The following SNX8 variants were observed in gnomAD, a reference collection of about 807,000 sequenced individuals.
SNX8 encodes sorting nexin-8.
In SNX8, 25 loss-of-function variants were observed where a neutral mutation model predicts 51.6. The ratio of observed to expected loss-of-function variants is 0.48; its 90% confidence interval spans 0.35 to 0.68. SNX8 has a LOEUF of 0.68. Among genes scored for constraint, SNX8 ranks in the 30% least tolerant of loss-of-function variants. The pLI is 0.00. For synonymous variants in SNX8, 324 were observed against 277.0 expected (o/e 1.17, Z -1.68); for missense variants, 695 against 624.0 (o/e 1.11, Z -1.21).
At chr7:2,335,209 A>G (rs1279171347) in intron 1 of SNX8, among the ~76,000 whole-genome samples, 2 of 57,652 alleles carry the variant, frequency 3.5e-5, no homozygotes, top group African/African-American at 6.2e-5. Context: ...AGAAAAAAGA[A>G]AAAAAAAATA....
intron 1 of SNX8, among the ~76,000 whole-genome samples, chr7:2,283,412 G>A (rs958858937): frequency 6.6e-5 from 10 of 152,222 alleles, no homozygotes; most frequent in Non-Finnish European, 1.3e-4. Flanking sequence ...GGTCCGCGCC[G>A]CCCAGGCACT....
At chr7:2,291,305 A>T (rs1190104040) in intron 1 of SNX8, among the ~76,000 whole-genome samples, 1 of 151,916 alleles carries the variant, frequency 6.6e-6, no homozygotes, top group Non-Finnish European at 1.5e-5. Context: ...TTTAAAAAAA[A>T]AAAGAAACTA....
At chr7:2,342,555 T>G (rs996378365) in intron 1 of SNX8, among the ~76,000 whole-genome samples, 1 of 150,152 alleles carries the variant, frequency 6.7e-6, no homozygotes, top group African/African-American at 2.4e-5. Flanking sequence ...CTTGGGAGCC[T>G]GAAGCAGGAG....
In SNX8 at chr7:2,300,634, T is replaced by C. The variant is rs565350697; in HGVS notation, c.94+13694A>G. Among the ~76,000 whole-genome samples the C allele has an allele frequency of 1.2e-4, 18 of 151,602 alleles. No homozygotes were observed. In the South Asian group the frequency reaches 2.7e-3, roughly 23 times the overall value. On this transcript the variant is annotated intron_variant, in intron 1 of 10. Coordinates refer to ENST00000222990, the MANE Select transcript of SNX8 (RefSeq NM_013321.4). ...TCGCTATGTAATGCCCAGGCTGGTC[T>C]TTTTTTCTTTTTTTTTTAAATTATT...
At chr7:2,346,240 C>T (rs1468397372) in intron 1 of SNX8, among the ~76,000 whole-genome samples, 1 of 70,190 alleles carries the variant, frequency 1.4e-5, no homozygotes, top group Non-Finnish European at 2.8e-5. Context: ...GGACTTGAGC[C>T]CAGAAGTTTG....
At chr7:2,348,513 T>C (rs544873397) in intron 1 of SNX8, among the ~76,000 whole-genome samples, 1 of 151,856 alleles carries the variant, frequency 6.6e-6, no homozygotes, top group East Asian at 2.0e-4. Context: ...GCTAATTTTT[T>C]TGTATTTTCA....
At chr7:2,340,789 G>A (rs564861183) in intron 1 of SNX8, among the ~76,000 whole-genome samples, 21 of 149,946 alleles carry the variant, frequency 1.4e-4, no homozygotes, top group Admixed American at 4.0e-4. Flanking sequence ...CCCGGAGGGC[G>A]GAGGTTGCAG....
At chr7:2,257,049 C>A (rs927825050) in intron 9 of SNX8, 26 bp from the exon 10 acceptor site, 13 of 1,580,372 alleles carry the variant, frequency 8.2e-6, no homozygotes, top group Admixed American at 1.7e-5. Flanking sequence ...CCGCCTTTCG[C>A]ACCCGGCCCA....
At chr7:2,301,805 TTC>T (rs1796399345) in intron 1 of SNX8, among the ~76,000 whole-genome samples, 1 of 152,140 alleles carries the variant, frequency 6.6e-6, no homozygotes, top group Non-Finnish European at 1.5e-5. Flanking sequence ...CAGCGTCGAG[TTC>T]TGTCTCCTAA....
chr7:2,322,796 C>T (rs2115226404), intron 1 of SNX8, among the ~76,000 whole-genome samples: 1 of 151,952 alleles, frequency 6.6e-6, no homozygotes, highest in South Asian at 2.1e-4. Flanking sequence ...GTATGTGGAT[C>T]ACCTGTGGCC....
chr7:2,289,403 G>T (rs898428773), intron 1 of SNX8, among the ~76,000 whole-genome samples: 1 of 152,188 alleles, frequency 6.6e-6, no homozygotes, highest in Non-Finnish European at 1.5e-5. Context: ...AAGTGACTGA[G>T]CCAATTCACA....
At chr7:2,278,007 C>T in intron 2 of SNX8, 93 bp downstream of exon 2, 1 of 1,519,872 alleles carries the variant, frequency 6.6e-7, no homozygotes, top group African/African-American at 1.4e-5. Context: ...CACCCTTCAG[C>T]CTTCTCCTGT....
At chr7:2,304,377 C>T (rs1038726280) in intron 1 of SNX8, among the ~76,000 whole-genome samples, 34 of 143,536 alleles carry the variant, frequency 2.4e-4, no homozygotes, top group East Asian at 1.8e-3. Flanking sequence ...ACCCCATCTC[C>T]ACTAAAAATA....
chr7:2,351,722 T>C (rs1414474622), intron 1 of SNX8, among the ~76,000 whole-genome samples: 3 of 151,302 alleles, frequency 2.0e-5, no homozygotes, highest in Non-Finnish European at 4.4e-5. Flanking sequence ...TCCCAGCTAC[T>C]CGGGAGGCTG....
chr7:2,300,695 T>G (rs1418523475), intron 1 of SNX8, among the ~76,000 whole-genome samples: 1 of 151,968 alleles, frequency 6.6e-6, no homozygotes. Context: ...CAGGCTGGAG[T>G]GCAGTGGTGC....
At chr7:2,341,932 C>A (rs1251761098) in intron 1 of SNX8, among the ~76,000 whole-genome samples, 1 of 151,734 alleles carries the variant, frequency 6.6e-6, no homozygotes, top group Admixed American at 6.6e-5. Flanking sequence ...GAGATCGCAC[C>A]ACTGCACTCC....
At chr7:2,324,374 T>C (rs1778591238) in intron 1 of SNX8, among the ~76,000 whole-genome samples, 1 of 149,420 alleles carries the variant, frequency 6.7e-6, no homozygotes, top group African/African-American at 2.5e-5. Context: ...CACTACAACC[T>C]CCACCTCCCA....
At position 2,278,236 on chromosome 7, in the gene SNX8, T is replaced by A; in HGVS notation, c.164A>T (p.Gln55Leu). 6.2e-7 allele frequency: 1 copy of A among 1,611,268 alleles called. No individual in the cohort carries two copies. Among genetic ancestry groups the A allele is most frequent in the South Asian group, 1.1e-5 (1 of 90,864 alleles). The change falls in exon 2 of 11, where the codon CAG becomes CTG. Residue 55 changes from glutamine to leucine, a missense_variant. Transcript: ENST00000222990. ...VQQVPAPSRM[Q>L]MPQGNPLLLS... ...CAGCAGCGGGTTCCCCTGCGGCATCTGCATTCGACTGGGGGCTGGGACCTG... is the reference window on the plus strand; with the variant it reads ...CAGCAGCGGGTTCCCCTGCGGCATCAGCATTCGACTGGGGGCTGGGACCTG...
chr7:2,287,377 G>A (rs1010792371), intron 1 of SNX8, among the ~76,000 whole-genome samples: 4 of 151,268 alleles, frequency 2.6e-5, no homozygotes, highest in East Asian at 2.0e-4. Context: ...TGAGGAGTTC[G>A]AGACCAGCCT....
Sources: allele counts gnomAD v4.1 joint callset (sites outside exome capture counted in the v4.1 genomes callset), GRCh38; gene constraint gnomAD v4.1.1; transcripts MANE v1.5; gene names NCBI Gene and HGNC (gene_info 2026-07-23, HGNC 2026-07-21).